Variants in TLE2 observed in about 807,000 individuals in gnomAD.
TLE2 encodes the protein transducin-like enhancer protein 2.
A neutral mutation model predicts 97.2 loss-of-function variants in TLE2; 74 were observed. That is an observed-to-expected ratio of 0.76 (90% CI 0.63 to 0.92). The LOEUF (loss-of-function observed/expected upper bound fraction) is 0.92, where lower values mean the gene tolerates loss of function less well. TLE2 is among the 40% of genes least tolerant of loss of function. The pLI, the probability that TLE2 is intolerant of heterozygous loss-of-function variation, is 0.00. For synonymous variants in TLE2, 499 were observed against 432.1 expected (o/e 1.15, Z -1.92); for missense variants, 1,038 against 1,008.7 (o/e 1.03, Z -0.39).
chr19:3,016,520 G>A (rs1226082560), intron 8 of TLE2, among the ~76,000 whole-genome samples: 1 of 149,094 alleles, frequency 6.7e-6, no homozygotes, highest in Non-Finnish European at 1.5e-5. Context: ...AACCCAGGAG[G>A]CGGAGCTTAC....
At chr19:3,029,325 C>G (rs888423370), upstream of TLE2, 5 of 185,152 alleles carry the variant, frequency 2.7e-5, no homozygotes, top group Non-Finnish European at 4.9e-5. Flanking sequence ...CCGCCGCCCC[C>G]ACGCGCCCGC....
chr19:3,009,569 G>C lies in TLE2; in HGVS notation c.1146C>G (p.Ser382Arg), dbSNP rs1203674273. 3 of 1,613,262 alleles carry C rather than the reference G, an allele frequency of 1.9e-6. No homozygotes were observed. The highest frequency in any genetic ancestry group is 4.5e-5 in the East Asian group (2 of 44,878). Residue 382 changes from serine (S) to arginine (R), a missense_variant, in exon 13 of 20, where the codon AGC (serine) becomes AGG (arginine). Physicochemically the swap from Ser to Arg is moderately radical, Grantham distance 110. Transcript: ENST00000262953. The part of the protein sequence containing the change: ...VSLHLSPQVS[S>R]SVVYGRSPVM... ...CGGGGGAGCGTCCGTACACCACAGA[G>C]CTGCTGACCTGGGGGGACAGGTGGA...
At chr19:3,021,183 G>A (rs1456341999) in intron 5 of TLE2, among the ~76,000 whole-genome samples, 5 of 149,794 alleles carry the variant, frequency 3.3e-5, no homozygotes, top group African/African-American at 1.2e-4. Context: ...GAGGCAGGTG[G>A]ATCACGAGAT....
intron 14 of TLE2, 105 bp downstream of exon 14, chr19:3,008,764 T>C (rs1453043670): frequency 3.2e-6 from 3 of 925,998 alleles, no homozygotes; most frequent in East Asian, 3.1e-5. Flanking sequence ...ACAAGAGACT[T>C]TCTAGAAGGG....
intron 1 of TLE2, among the ~76,000 whole-genome samples, chr19:3,034,546 C>T (rs945502588): frequency 1.3e-5 from 2 of 151,472 alleles, no homozygotes; most frequent in African/African-American, 4.9e-5. Flanking sequence ...CTTGTTATCT[C>T]TTCCTGGAAT....
chr19:3,003,269 G>T (rs2089405936), intron 17 of TLE2, among the ~76,000 whole-genome samples: 1 of 152,162 alleles, frequency 6.6e-6, no homozygotes, highest in Admixed American at 6.5e-5. Context: ...AGCCAGGCAA[G>T]GACAATCACT....
At chr19:3,001,298 A>G (rs1228053446) in intron 18 of TLE2, among the ~76,000 whole-genome samples, 1 of 151,350 alleles carries the variant, frequency 6.6e-6, no homozygotes, top group Non-Finnish European at 1.5e-5. Context: ...TATTTTTTGT[A>G]GAGTTGGGAT....
In TLE2 at chr19:3,015,657, G is replaced by T; in HGVS notation, c.674C>A (p.Pro225His). ...CCTGCACCTGCCCCCACTCACATAAGGTCCTGATGGCTCCTTCTCATCTGC... is the reference window on the plus strand; with the variant it reads ...CCTGCACCTGCCCCCACTCACATAATGTCCTGATGGCTCCTTCTCATCTGC... ...QRADEKEPSG[P>H]YESDEDKSDY... The change falls in exon 9 of 20, where the codon CCT becomes CAT. Residue 225 changes from proline to histidine, a missense_variant. Physicochemically the swap from Pro to His is moderately conservative, Grantham distance 77. Transcript: ENST00000262953. The T allele has an allele frequency of 6.2e-7, 1 of 1,606,982 alleles. No individual in the cohort carries two copies.
In TLE2 at chr19:3,019,183, C is replaced by G; in HGVS notation, c.550+100G>C. The G allele has an allele frequency of 6.9e-7, 1 of 1,456,710 alleles. No individual in the cohort carries two copies. Among genetic ancestry groups the G allele is most frequent in the Non-Finnish European group, 9.2e-7 (1 of 1,088,564 alleles). The allele number at this position is 1,456,710 out of a possible 1,614,324, so 90.2% of individuals were successfully genotyped here. A position where few individuals can be genotyped will look rare whatever the true frequency, so the allele number is the denominator to read the frequency against. ...AAATTGTTGGGATTATAGGCATGAG[C>G]CACTTCATCCCCTCACGCTGATGTT... On this transcript the variant is annotated intron_variant, in intron 7 of 19. Coordinates refer to ENST00000262953, the MANE Select transcript of TLE2 (RefSeq NM_003260.5). The surrounding 1 kb of genome is among the most constrained non-coding windows in gnomAD (Gnocchi z 5.1).
rs545886582 is a variant in TLE2 at position 3,035,873 on chromosome 19, C to A, written c.64-7070G>T. On this transcript the variant is annotated intron_variant, in intron 1 of 18. Coordinates refer to the TLE2 transcript ENST00000426948. ...ACCCTAGTGGACGCCCGAGCTCGAC[C>A]GGATTGGAGGAGGGGGGGCTAAGGC... Among the ~76,000 whole-genome samples the A allele has an allele frequency of 4.0e-5, 6 of 150,094 alleles. No homozygotes were observed. In the East Asian group the frequency reaches 9.8e-4, roughly 24 times the overall value.
intron 4 of TLE2, chr19:3,025,600 A>G: frequency 1.0e-6 from 1 of 985,844 alleles, no homozygotes; most frequent in Non-Finnish European, 1.2e-6. Flanking sequence ...GCCACACTCA[A>G]GGGAAGGATT....
At chr19:3,035,376 G>A (rs2090054126) in intron 1 of TLE2, among the ~76,000 whole-genome samples, 1 of 152,076 alleles carries the variant, frequency 6.6e-6, no homozygotes, top group South Asian at 2.1e-4. Flanking sequence ...GGACTTCACG[G>A]ACCCCCTCTT....
At chr19:3,025,596 C>A (rs1277490690) in intron 4 of TLE2, 3 of 985,320 alleles carry the variant, frequency 3.0e-6, no homozygotes, top group East Asian at 1.1e-4. Flanking sequence ...GCACGCCACA[C>A]TCAAGGGAAG....
Position 3,005,823 on chromosome 19 carries a change from G to C in TLE2, c.1646C>G (p.Ala549Gly). Residue 549 changes from alanine (A) to glycine (G), a missense_variant, in exon 16 of 20, where the codon GCC becomes GGC. Ala to Gly is a moderately conservative substitution (Grantham distance 60, BLOSUM62 0). Transcript: ENST00000262953. ...GGGGCTGACGGCCAGGGCGTAGCAG[G>C]CTGGGGCTGAGGAAGTCAGCTCGGC... Reference protein sequence around the residue: ...IKAELTSSAPACYALAVSPDA... With the variant: ...IKAELTSSAPGCYALAVSPDA... 3.1e-6 allele frequency: 5 copies of C among 1,614,012 alleles called. No homozygotes were observed. The highest frequency in any genetic ancestry group is 1.1e-5 in the South Asian group (1 of 91,082).
At position 3,019,657 on chromosome 19, in the gene TLE2, TGG is replaced by T; in HGVS notation, c.369+40_369+41del. ...TGGGTGGGTGCCAGGGACCTGGGAG[TGG>T]GCGTCTCCCCATGGCGGGGCAGGGG... On this transcript the variant is annotated intron_variant, in intron 6 of 19. Coordinates refer to ENST00000262953, the MANE Select transcript of TLE2 (RefSeq NM_003260.5). This position sits in a 1 kb window ranked among gnomAD's most constrained non-coding sequence, Gnocchi z 5.1. 1 of 1,590,728 alleles carries T rather than the reference TGG, an allele frequency of 6.3e-7. No homozygotes were observed. Among genetic ancestry groups the T allele is most frequent in the Non-Finnish European group, 8.6e-7 (1 of 1,168,678 alleles).
At chr19:3,041,832 T>C (rs1488113251) in intron 1 of TLE2, among the ~76,000 whole-genome samples, 1 of 152,180 alleles carries the variant, frequency 6.6e-6, no homozygotes, top group Non-Finnish European at 1.5e-5. Context: ...GAATTGAGGC[T>C]TTGGGGGCAG....
chr19:3,037,285 A>G (rs910441583), intron 1 of TLE2, among the ~76,000 whole-genome samples: 2 of 151,982 alleles, frequency 1.3e-5, no homozygotes, highest in East Asian at 3.9e-4. Flanking sequence ...ACTCTGTCTC[A>G]AAAACAAAAA....
At chr19:3,000,771 G>GC in intron 18 of TLE2, 48 bp from the exon 19 acceptor site, 2 of 1,471,454 alleles carry the variant, frequency 1.4e-6, no homozygotes, top group Non-Finnish European at 1.9e-6. Flanking sequence ...ACTAACGAGA[G>GC]ACCCGGGCTG....
intron 9 of TLE2, 87 bp from the exon 10 acceptor site, chr19:3,014,701 GC>G: frequency 7.9e-7 from 1 of 1,262,818 alleles, no homozygotes; most frequent in Non-Finnish European, 1.1e-6. Flanking sequence ...GGAGGCATGA[GC>G]CCAGCCAGCC....
Sources: gnomAD v4.1 joint callset for allele counts (sites outside exome capture counted in the v4.1 genomes callset) on GRCh38, gnomAD v4.1.1 for gene constraint, Gnocchi (gnomAD v3.1) non-coding constraint, MANE v1.5 for transcripts, NCBI Gene and HGNC (gene_info 2026-07-23, HGNC 2026-07-21) for gene names.